PKIA: variants seen among roughly 807,000 people sequenced by gnomAD.
The protein encoded by PKIA is PKI-alpha.
A neutral mutation model predicts 7.6 loss-of-function variants in PKIA; 4 were observed. That is an observed-to-expected ratio of 0.52 (90% CI 0.26 to 1.20). The LOEUF is 1.20. Among genes scored for constraint, PKIA ranks in the 50% most tolerant of loss-of-function variants. The pLI is 0.13. For missense variants in PKIA, 73 were observed against 86.2 expected (o/e 0.85, Z 0.61); for synonymous variants, 21 against 30.7 (o/e 0.68, Z 1.04).
At chr8:78,566,917 T>A (rs1807429046) in intron 1 of PKIA, among the ~76,000 whole-genome samples, 1 of 152,142 alleles carries the variant, frequency 6.6e-6, no homozygotes, top group Admixed American at 6.6e-5. Flanking sequence ...TCCAAAAACA[T>A]GTTACCAGGA....
rs530079701 is a variant in PKIA at position 78,603,585 on chromosome 8, G to A, written c.*1764G>A. On this transcript the variant is annotated 3_prime_UTR_variant, in exon 4 of 4. Coordinates refer to ENST00000396418, the MANE Select transcript of PKIA (RefSeq NM_006823.4). ...TGCTTCCTTCTGTCTAATCCATCAG[G>A]GGCCAAAATGCCCAGTAAAATTCAA... The A allele has an allele frequency of 6.6e-6, 1 of 151,874 alleles. No individual in the cohort carries two copies. Among genetic ancestry groups the A allele is most frequent in the South Asian group, 2.1e-4 (1 of 4,794 alleles). 9.4% of individuals were successfully genotyped at this position (151,874 alleles called of 1,614,324 possible). A position where few individuals can be genotyped will look rare whatever the true frequency, so the allele number is the denominator to read the frequency against.
chr8:78,588,630 G>A (rs1016334298), intron 2 of PKIA, among the ~76,000 whole-genome samples: 1 of 152,140 alleles, frequency 6.6e-6, no homozygotes, highest in Non-Finnish European at 1.5e-5. Context: ...TGATTATTTA[G>A]TGTACAGATT....
chr8:78,561,572 C>T (rs746744319), intron 1 of PKIA, among the ~76,000 whole-genome samples: 3 of 152,018 alleles, frequency 2.0e-5, no homozygotes, highest in Non-Finnish European at 4.4e-5. Flanking sequence ...AAGTTTGTGC[C>T]AGGCAGTCTT....
rs375410108 is a variant in PKIA at position 78,551,601 on chromosome 8, T to C, written c.-156-21210T>C. On this transcript the variant is annotated intron_variant, in intron 1 of 3. Coordinates refer to ENST00000396418, the MANE Select transcript of PKIA (RefSeq NM_006823.4). Reference sequence around the variant, plus strand: ...GAAAGGATCATCCACAAAATAAAAATAGAATCTATGCAGTATTAGATATAT... The same window carrying C: ...GAAAGGATCATCCACAAAATAAAAACAGAATCTATGCAGTATTAGATATAT... 5.3e-5 allele frequency among the ~76,000 whole-genome samples: 8 copies of C among 152,070 alleles called. No homozygotes were observed. The East Asian group carries it at 9.6e-4, about 18-fold the overall frequency.
chr8:78,582,174 T>G (rs376232234), intron 2 of PKIA, among the ~76,000 whole-genome samples: 42 of 115,216 alleles, frequency 3.6e-4, no homozygotes, highest in Admixed American at 1.4e-3. Context: ...ATATTTCGTG[T>G]TTTTTTTTTT....
intron 1 of PKIA, among the ~76,000 whole-genome samples, chr8:78,532,738 C>G (rs1806420325): frequency 6.6e-6 from 1 of 151,788 alleles, no homozygotes; most frequent in Non-Finnish European, 1.5e-5. Context: ...GGTATCCCTT[C>G]TCTACTAAAA....
rs1194529556 is a variant in PKIA, at chr8:78,604,315, C to T, written c.*2494C>T. ...CCAATTTCACAGATTAAAATATAAGCACTCAATAAAATATAACCTTTAGAA... is the reference window on the plus strand; with the variant it reads ...CCAATTTCACAGATTAAAATATAAGTACTCAATAAAATATAACCTTTAGAA... On this transcript the variant is annotated 3_prime_UTR_variant, in exon 4 of 4. Transcript: ENST00000396418. 6.6e-6 allele frequency: 1 copy of T among 151,878 alleles called. No individual in the cohort carries two copies. Among genetic ancestry groups the T allele is most frequent in the Non-Finnish European group, 1.5e-5 (1 of 67,952 alleles). The allele number at this position is 151,878 out of a possible 1,614,324, so 9.4% of individuals were successfully genotyped here.
chr8:78,564,203 C>A (rs1387441039), intron 1 of PKIA, among the ~76,000 whole-genome samples: 1 of 151,786 alleles, frequency 6.6e-6, no homozygotes, highest in Admixed American at 6.6e-5. Context: ...AAAAGAATGG[C>A]CCTTAAGTAG....
chr8:78,588,976 G>A (rs999749164), intron 2 of PKIA, among the ~76,000 whole-genome samples: 1 of 151,922 alleles, frequency 6.6e-6, no homozygotes, highest in African/African-American at 2.4e-5. Flanking sequence ...TTTATAACAG[G>A]GAAGATGTAA....
At chr8:78,573,335 A>G (rs1014972857) in intron 2 of PKIA, among the ~76,000 whole-genome samples, 32 of 152,020 alleles carry the variant, frequency 2.1e-4, no homozygotes, top group African/African-American at 7.0e-4. Context: ...GTTCTTTAAG[A>G]GGAACAGTCC....
chr8:78,525,344 G>C (rs762674219), intron 1 of PKIA, among the ~76,000 whole-genome samples: 4 of 151,846 alleles, frequency 2.6e-5, no homozygotes, highest in Non-Finnish European at 1.5e-5. Context: ...ATAAAGTACA[G>C]TTACTGTCAA....
At chr8:78,581,932 T>A (rs902741541) in intron 2 of PKIA, among the ~76,000 whole-genome samples, 1 of 152,086 alleles carries the variant, frequency 6.6e-6, no homozygotes, top group African/African-American at 2.4e-5. Context: ...GTTGACAGCT[T>A]ACTCTCAAAT....
At chr8:78,577,127 T>C (rs1166409469) in intron 2 of PKIA, among the ~76,000 whole-genome samples, 1 of 152,028 alleles carries the variant, frequency 6.6e-6, no homozygotes, top group Non-Finnish European at 1.5e-5. Context: ...TAATTATACT[T>C]TAAGTTCTAG....
At chr8:78,541,807 CTT>C (rs780479329) in intron 1 of PKIA, among the ~76,000 whole-genome samples, 72 of 134,160 alleles carry the variant, frequency 5.4e-4, no homozygotes, top group Non-Finnish European at 6.8e-4. Context: ...TTGGATTTCT[CTT>C]TTTTTTTTTT....
intron 1 of PKIA, among the ~76,000 whole-genome samples, chr8:78,551,768 T>C (rs950638742): frequency 1.3e-5 from 2 of 151,968 alleles, no homozygotes; most frequent in Non-Finnish European, 2.9e-5. Flanking sequence ...TGGATGGTCA[T>C]TGAGATGGAA....
intron 1 of PKIA, among the ~76,000 whole-genome samples, chr8:78,567,184 T>C (rs903331523): frequency 6.6e-6 from 1 of 151,852 alleles, no homozygotes; most frequent in Admixed American, 6.6e-5. Flanking sequence ...TAACAACTTA[T>C]ATTAGTATGT....
intron 1 of PKIA, among the ~76,000 whole-genome samples, chr8:78,556,995 C>A (rs182421069): frequency 6.6e-6 from 1 of 152,042 alleles, no homozygotes; most frequent in Non-Finnish European, 1.5e-5. Flanking sequence ...TTGACTCTCA[C>A]TATTTTGTTA....
chr8:78,536,861 C>T (rs1390474740), intron 1 of PKIA, among the ~76,000 whole-genome samples: 2 of 18,484 alleles, frequency 1.1e-4, no homozygotes, highest in Admixed American at 8.0e-4. Flanking sequence ...AGAAAACATA[C>T]ACACACACAC....
chr8:78,593,841 C>T (rs979353551), intron 2 of PKIA, among the ~76,000 whole-genome samples: 8 of 147,742 alleles, frequency 5.4e-5, no homozygotes, highest in Non-Finnish European at 1.2e-4. Flanking sequence ...TTATCTGGTA[C>T]TCAGGTCCTT....
Sources: gnomAD v4.1 joint callset for allele counts (sites outside exome capture counted in the v4.1 genomes callset) on GRCh38, gnomAD v4.1.1 for gene constraint, MANE v1.5 for transcripts, NCBI Gene and HGNC (gene_info 2026-07-23, HGNC 2026-07-21) for gene names.